The following YWHAE variants were observed in gnomAD, a reference collection of about 807,000 sequenced individuals.
YWHAE encodes the protein 14-3-3 protein epsilon.
Under a neutral mutation model 30.1 loss-of-function variants are expected in YWHAE, and 4 were observed. The observed-to-expected ratio is 0.13, with a 90% CI of 0.07 to 0.30. The LOEUF (loss-of-function observed/expected upper bound fraction) is 0.30. Among genes scored for constraint, YWHAE ranks in the 10% least tolerant of loss-of-function variants. The probability of loss-of-function intolerance (pLI) is 1.00; values close to 1 mark genes in which losing one functional copy is unlikely to be tolerated. For synonymous variants in YWHAE, 118 were observed against 111.8 expected (o/e 1.06, Z -0.35); for missense variants, 121 against 315.9 (o/e 0.38, Z 4.68).
intron 5 of YWHAE, among the ~76,000 whole-genome samples, chr17:1,350,624 T>C (rs1481342479): frequency 6.6e-6 from 1 of 151,426 alleles, no homozygotes; most frequent in Non-Finnish European, 1.5e-5. Flanking sequence ...GTATTTGTAG[T>C]AGAGACGGGG....
chr17:1,394,460 A>AAAAAAC (rs1555647412), intron 1 of YWHAE, among the ~76,000 whole-genome samples: 56 of 137,598 alleles, frequency 4.1e-4, no homozygotes, highest in African/African-American at 1.5e-3. Context: ...AAAAAAAAAA[A>AAAAAAC]ACACAAAAAT....
intron 4 of YWHAE, 43 bp from the exon 5 acceptor site, chr17:1,354,390 A>T: frequency 6.3e-7 from 1 of 1,590,948 alleles, no homozygotes; most frequent in East Asian, 2.2e-5. Context: ...TTAAGTCCAA[A>T]ATCAGAATTA....
intron 1 of YWHAE, among the ~76,000 whole-genome samples, chr17:1,395,311 T>C (rs2073452214): frequency 6.6e-6 from 1 of 152,080 alleles, no homozygotes; most frequent in Non-Finnish European, 1.5e-5. Context: ...GCAGATCACC[T>C]GAGATCAGGA....
At chr17:1,373,069 T>G (rs1299692482) in intron 1 of YWHAE, among the ~76,000 whole-genome samples, 1 of 151,396 alleles carries the variant, frequency 6.6e-6, no homozygotes, top group African/African-American at 2.4e-5. Flanking sequence ...GGAGAAACCC[T>G]GTCTCTACTA....
chr17:1,385,683 C>G (rs1463650588), intron 1 of YWHAE, among the ~76,000 whole-genome samples: 1 of 152,114 alleles, frequency 6.6e-6, no homozygotes, highest in Non-Finnish European at 1.5e-5. Context: ...TGGCCTGCTC[C>G]TGAATTTAAT....
At chr17:1,366,847 C>G (rs1371525728) in intron 1 of YWHAE, among the ~76,000 whole-genome samples, 1 of 152,046 alleles carries the variant, frequency 6.6e-6, no homozygotes, top group Non-Finnish European at 1.5e-5. Flanking sequence ...AAGGCTGAGG[C>G]AGGAGAACTG....
At position 1,400,152 on chromosome 17, in the gene YWHAE, C is replaced by G. The variant is rs1298341655; in HGVS notation, c.-42G>C. The G allele has an allele frequency of 6.2e-7, 1 of 1,610,506 alleles. No homozygotes were observed. The highest frequency in any genetic ancestry group is 8.5e-7 in the Non-Finnish European group (1 of 1,176,928). On this transcript the variant is annotated 5_prime_UTR_variant, in exon 1 of 6. Transcript: ENST00000264335. ...GCAGGGTCTGCGCGACGGATGGAAG[C>G]GGATAGTGTCTCCGACTCTCTCAGC...
chr17:1,358,322 T>C (rs898258398), intron 4 of YWHAE, among the ~76,000 whole-genome samples: 33 of 152,084 alleles, frequency 2.2e-4, no homozygotes, highest in Middle Eastern at 3.4e-3. Flanking sequence ...TCACTGCAAG[T>C]TCCGCCTCCC....
intron 1 of YWHAE, among the ~76,000 whole-genome samples, chr17:1,383,633 C>A (rs1160469377): frequency 1.3e-5 from 2 of 151,784 alleles, no homozygotes; most frequent in Non-Finnish European, 2.9e-5. Flanking sequence ...GGTGATCCAC[C>A]CGCCTCGGCC....
intron 2 of YWHAE, among the ~76,000 whole-genome samples, chr17:1,364,230 T>C (rs780416313): frequency 2.6e-4 from 5 of 19,544 alleles, no homozygotes; most frequent in Non-Finnish European, 4.0e-4. Flanking sequence ...TTTTGGGTGC[T>C]TTTTTTTTTT....
Position 1,344,796 on chromosome 17 carries a change from CT to C in YWHAE, c.*650del. On this transcript the variant is annotated 3_prime_UTR_variant, in exon 6 of 6. Transcript: ENST00000264335. The stretch of plus-strand genomic sequence containing the variant: ...AGGCATGCAGGCTTTTCCATACCAC[CT>C]TCAACGCTAACCTGCTTCAGTGGGA... 1 of 233,124 alleles carries C rather than the reference CT, an allele frequency of 4.3e-6. No homozygotes were observed. The highest frequency in any genetic ancestry group is 8.5e-6 in the Non-Finnish European group (1 of 117,716). 14.4% of individuals were successfully genotyped at this position (233,124 alleles called of 1,614,324 possible).
At chr17:1,350,570 T>C (rs901799111) in intron 5 of YWHAE, among the ~76,000 whole-genome samples, 39 of 151,640 alleles carry the variant, frequency 2.6e-4, no homozygotes, top group Non-Finnish European at 5.9e-5. Context: ...GCCTCCTGAG[T>C]AGCAGGGATT....
chr17:1,399,922 T>C, intron 1 of YWHAE, 125 bp downstream of exon 1: 1 of 1,203,272 alleles, frequency 8.3e-7, no homozygotes, highest in Non-Finnish European at 1.2e-6. Flanking sequence ...ATTTCCTGCT[T>C]CCCGAACCCA....
chr17:1,398,592 A>G (rs2073512364), intron 1 of YWHAE, among the ~76,000 whole-genome samples: 1 of 152,184 alleles, frequency 6.6e-6, no homozygotes, highest in African/African-American at 2.4e-5. Context: ...TAAGAATCAA[A>G]GATACTTGAT....
chr17:1,393,476 A>C (rs2073419473), intron 1 of YWHAE, among the ~76,000 whole-genome samples: 1 of 152,130 alleles, frequency 6.6e-6, no homozygotes, highest in Admixed American at 6.6e-5. Context: ...TGTGGCCCAG[A>C]CTGGAGTGCA....
At chr17:1,371,513 T>C (rs557761256) in intron 1 of YWHAE, among the ~76,000 whole-genome samples, 1 of 152,282 alleles carries the variant, frequency 6.6e-6, no homozygotes, top group East Asian at 1.9e-4. Flanking sequence ...CTTACAGGCT[T>C]TGCTGTTCCA....
chr17:1,348,447 T>A (rs1481031818), intron 5 of YWHAE, among the ~76,000 whole-genome samples: 1 of 152,168 alleles, frequency 6.6e-6, no homozygotes, highest in Admixed American at 6.6e-5. Context: ...TAACATATTC[T>A]AAAATTAAAA....
At chr17:1,379,423 T>G (rs2073172143) in intron 1 of YWHAE, among the ~76,000 whole-genome samples, 1 of 152,162 alleles carries the variant, frequency 6.6e-6, no homozygotes. Context: ...AAGTCAAGGC[T>G]GCAATGAGCT....
At chr17:1,374,974 C>A (rs2073101536) in intron 1 of YWHAE, among the ~76,000 whole-genome samples, 1 of 152,076 alleles carries the variant, frequency 6.6e-6, no homozygotes, top group South Asian at 2.1e-4. Context: ...AGTGGCTATT[C>A]ACAGGCCCAT....
Sources: allele counts gnomAD v4.1 joint callset (sites outside exome capture counted in the v4.1 genomes callset), GRCh38; gene constraint gnomAD v4.1.1; transcripts MANE v1.5; gene names NCBI Gene and HGNC (gene_info 2026-07-23, HGNC 2026-07-21).